The following SHTN1 variants were observed in gnomAD, a reference collection of about 807,000 sequenced individuals.
SHTN1 encodes the protein shootin-1.
Under a neutral mutation model 83.1 loss-of-function variants are expected in SHTN1, and 42 were observed. The observed-to-expected ratio is 0.51, with a 90% CI of 0.39 to 0.65. The LOEUF (loss-of-function observed/expected upper bound fraction) is 0.65, where lower values mean the gene tolerates loss of function less well. Among genes scored for constraint, SHTN1 ranks in the 30% least tolerant of loss-of-function variants. SHTN1 has a pLI of 0.00. For synonymous variants in SHTN1, 224 were observed against 247.7 expected, an observed-to-expected ratio of 0.90 and a Z score of 0.90; for missense variants, 622 against 737.8, an observed-to-expected ratio of 0.84 and a Z score of 1.82.
At chr10:117,012,332 G>A (rs1589895073) in intron 2 of SHTN1, among the ~76,000 whole-genome samples, 1 of 152,154 alleles carries the variant, frequency 6.6e-6, no homozygotes, top group South Asian at 2.1e-4. Flanking sequence ...TAAGAACAAA[G>A]TTGGAGGACT....
At chr10:116,958,509 C>T (rs192645068) in intron 4 of SHTN1, among the ~76,000 whole-genome samples, 3 of 152,216 alleles carry the variant, frequency 2.0e-5, no homozygotes, top group East Asian at 1.9e-4. Context: ...AACACTGGTT[C>T]GTAACGAGCA....
At position 117,061,116 on chromosome 10, in the gene SHTN1, T is replaced by A. The variant is rs139190465; in HGVS notation, c.-188-12606A>T. 3.5e-3 allele frequency among the ~76,000 whole-genome samples: 528 copies of A among 151,676 alleles called. 4 individuals are homozygous for A. Among genetic ancestry groups the A allele is most frequent in the African/African-American group, 0.012 (501 of 41,410 alleles). On this transcript the variant is annotated intron_variant, in intron 1 of 17. Transcript: ENST00000392901. ...ATAGTTAAGACAAGTCTACTGTTACTATAGCCTGAAGCTTTAGTCTTTTTT... is the reference window on the plus strand; with the variant it reads ...ATAGTTAAGACAAGTCTACTGTTACAATAGCCTGAAGCTTTAGTCTTTTTT...
chr10:117,033,258 T>A (rs549579312), intron 2 of SHTN1, among the ~76,000 whole-genome samples: 13 of 151,994 alleles, frequency 8.6e-5, no homozygotes, highest in Admixed American at 3.3e-4. Flanking sequence ...AGTTTTTTTT[T>A]AAACTTAAAC....
chr10:116,940,498 G>C lies in SHTN1; in HGVS notation c.826C>G (p.Leu276Val). The C allele has an allele frequency of 6.2e-7, 1 of 1,614,012 alleles. No individual in the cohort carries two copies. The highest frequency in any genetic ancestry group is 8.5e-7 in the Non-Finnish European group (1 of 1,179,962). The change falls in exon 9 of 17, where the codon CTT becomes GTT. Residue 276 changes from leucine (L) to valine (V), a missense_variant. By Grantham distance (32) the Leu-to-Val change is conservative. Transcript: ENST00000355371. ...LDENAKLTQQ[L>V]EEERIQHQQK... ...TGATGCTGAATTCTCTCTTCTTCAAGTTGCTGGGTGAGTTTTGCATTTTCG... is the reference window on the plus strand; with the variant it reads ...TGATGCTGAATTCTCTCTTCTTCAACTTGCTGGGTGAGTTTTGCATTTTCG...
intron 2 of SHTN1, among the ~76,000 whole-genome samples, chr10:117,040,627 G>A (rs1036779924): frequency 2.6e-5 from 4 of 152,040 alleles, no homozygotes; most frequent in South Asian, 2.1e-4. Flanking sequence ...AATCTAAAAC[G>A]GTTTTTTAAA....
At chr10:116,944,324 A>G (rs868048336) in intron 8 of SHTN1, among the ~76,000 whole-genome samples, 1 of 152,148 alleles carries the variant, frequency 6.6e-6, no homozygotes, top group Non-Finnish European at 1.5e-5. Context: ...AAATTTTGCC[A>G]TTAAAATCCA....
rs1359576241 is a variant in SHTN1 at position 116,919,570 on chromosome 10, G to A, written c.1195+1864C>T. On this transcript the variant is annotated intron_variant, in intron 12 of 16. Coordinates refer to ENST00000355371, the MANE Select transcript of SHTN1 (RefSeq NM_001127211.3). Reference sequence around the variant, plus strand: ...TTTAAGGTGCTATCAAAGTTGACAAGTTGGTGATGTGATTTACTTGGAAGG... The same window carrying A: ...TTTAAGGTGCTATCAAAGTTGACAAATTGGTGATGTGATTTACTTGGAAGG... Among the ~76,000 whole-genome samples the A allele has an allele frequency of 1.4e-4, 21 of 152,180 alleles. 1 individual carries two copies. Among genetic ancestry groups the A allele is most frequent in the Admixed American group, 1.4e-3 (21 of 15,286 alleles).
At chr10:117,053,552 C>T (rs961894234) in intron 1 of SHTN1, among the ~76,000 whole-genome samples, 3 of 152,056 alleles carry the variant, frequency 2.0e-5, no homozygotes, top group Non-Finnish European at 4.4e-5. Context: ...CAAAATAAAA[C>T]TACAATGAGA....
At chr10:117,086,086 A>T (rs1853347149) in intron 1 of SHTN1, among the ~76,000 whole-genome samples, 1 of 151,944 alleles carries the variant, frequency 6.6e-6, no homozygotes, top group Admixed American at 6.6e-5. Flanking sequence ...ACGCCCAGCT[A>T]ATTTTTTTAT....
chr10:116,929,997 T>A lies in SHTN1; in HGVS notation c.864A>T (p.Lys288Asn), dbSNP rs1443337323. ...CATTTTCTAGTTGCTCTTCTAATTC[T>A]TTGACCTATAAGTTATTTAAAAAAA... Reference protein sequence around the residue: ...EERIQHQQKVKELEEQLENET... With the variant: ...EERIQHQQKVNELEEQLENET... The change falls in exon 10 of 17, where the codon AAA (lysine) becomes AAT (asparagine). Residue 288 changes from lysine (K) to asparagine (N), a missense_variant. Transcript: ENST00000355371. The A allele has an allele frequency of 3.2e-6, 5 of 1,570,254 alleles. No individual in the cohort carries two copies. In the South Asian group the frequency reaches 6.0e-5, roughly 19 times the overall value.
At chr10:117,074,963 G>C (rs530727008) in intron 1 of SHTN1, among the ~76,000 whole-genome samples, 1 of 152,050 alleles carries the variant, frequency 6.6e-6, no homozygotes, top group South Asian at 2.1e-4. Context: ...AGGACATTCA[G>C]GGAATTTAGG....
chr10:116,940,381 C>A, intron 9 of SHTN1, 85 bp downstream of exon 9: 2 of 1,354,060 alleles, frequency 1.5e-6, no homozygotes, highest in Admixed American at 2.1e-5. Flanking sequence ...ACTGGACTGA[C>A]TGCACTGGCT....
At chr10:116,935,131 C>T (rs1257900847) in intron 9 of SHTN1, among the ~76,000 whole-genome samples, 1 of 152,204 alleles carries the variant, frequency 6.6e-6, no homozygotes, top group Non-Finnish European at 1.5e-5. Context: ...TTGACTTCCT[C>T]TCTTCCTGTG....
intron 1 of SHTN1, among the ~76,000 whole-genome samples, chr10:116,994,058 T>C (rs1033732147): frequency 6.6e-6 from 1 of 152,102 alleles, no homozygotes; most frequent in Non-Finnish European, 1.5e-5. Flanking sequence ...GAATGCTGGT[T>C]CAAAATTGCT....
At position 117,068,080 on chromosome 10, in the gene SHTN1, G is replaced by A. The variant is rs563044797; in HGVS notation, c.-188-19570C>T. 4.3e-4 allele frequency among the ~76,000 whole-genome samples: 66 copies of A among 152,196 alleles called. 1 individual carries two copies. The highest frequency in any genetic ancestry group is 1.9e-3 in the South Asian group (9 of 4,808). ...AAGACAGAGGCCTGGTCAGGCAGAC[G>A]AGAAATGGGAACCCATTTAAGAGTC... On this transcript the variant is annotated intron_variant, in intron 1 of 17. Coordinates refer to the SHTN1 transcript ENST00000392901.
At chr10:117,018,510 A>ATTTTT (rs1564932219) in intron 2 of SHTN1, among the ~76,000 whole-genome samples, 1 of 134,442 alleles carries the variant, frequency 7.4e-6, no homozygotes, top group African/African-American at 2.8e-5. Flanking sequence ...TTTTTTTTAA[A>ATTTTT]AAAAAAAAAA....
chr10:117,055,366 T>C (rs1046359148), intron 1 of SHTN1, among the ~76,000 whole-genome samples: 4 of 152,208 alleles, frequency 2.6e-5, no homozygotes, highest in South Asian at 2.1e-4. Context: ...CAGTCACTTA[T>C]ACTGGCTCAG....
chr10:116,974,852 C>T (rs573393543), intron 2 of SHTN1, among the ~76,000 whole-genome samples: 38 of 145,582 alleles, frequency 2.6e-4, no homozygotes, highest in Admixed American at 7.9e-4. Flanking sequence ...AAAACCCAAA[C>T]GATTATGATA....
chr10:117,024,348 C>CTT (rs1174576153), intron 2 of SHTN1, among the ~76,000 whole-genome samples: 940 of 77,510 alleles, frequency 0.012, 2 homozygotes, highest in Non-Finnish European at 0.015. Context: ...CAAAACTTTT[C>CTT]TTTTTTTTTT....
Sources: allele counts gnomAD v4.1 joint callset (sites outside exome capture counted in the v4.1 genomes callset), GRCh38; gene constraint gnomAD v4.1.1; transcripts MANE v1.5; gene names NCBI Gene and HGNC (gene_info 2026-07-23, HGNC 2026-07-21).